The following DSCAML1 variants were observed in gnomAD, a reference collection of about 807,000 sequenced individuals.
DSCAML1 encodes the protein cell adhesion molecule DSCAML1.
In DSCAML1, 38 loss-of-function variants were observed where a neutral mutation model predicts 200.5. The observed-to-expected ratio is 0.19, with a 90% CI of 0.15 to 0.25. DSCAML1 has a LOEUF of 0.25. Ranked by LOEUF, DSCAML1 falls within the 10% of genes least tolerant of loss-of-function variation. The pLI is 1.00. For synonymous variants in DSCAML1, 1,215 were observed against 1,165.0 expected, an observed-to-expected ratio of 1.04 and a Z score of -0.87; for missense variants, 2,223 against 2,858.8, an observed-to-expected ratio of 0.78 and a Z score of 5.07.
intron 3 of DSCAML1, among the ~76,000 whole-genome samples, chr11:117,743,894 G>A (rs565365153): frequency 2.6e-5 from 4 of 152,136 alleles, no homozygotes; most frequent in South Asian, 2.1e-4. Flanking sequence ...AGGAAAACTC[G>A]TCTATAAACT....
chr11:117,606,109 C>T (rs761945751), intron 3 of DSCAML1, among the ~76,000 whole-genome samples: 8 of 152,064 alleles, frequency 5.3e-5, no homozygotes, highest in Non-Finnish European at 1.0e-4. Context: ...TGCAGTGGTC[C>T]CAGGAGACCC....
intron 3 of DSCAML1, among the ~76,000 whole-genome samples, chr11:117,619,411 T>TC (rs34508295): frequency 2.6e-5 from 4 of 152,318 alleles, no homozygotes; most frequent in African/African-American, 9.6e-5. Flanking sequence ...AGGGCCCACA[T>TC]CCCTGGAAAG....
chr11:117,753,702 T>G (rs557283448), intron 3 of DSCAML1, among the ~76,000 whole-genome samples: 59 of 152,318 alleles, frequency 3.9e-4, no homozygotes, highest in Middle Eastern at 3.4e-3. Flanking sequence ...AATTGGCAGC[T>G]GAGACCTGTG....
intron 3 of DSCAML1, among the ~76,000 whole-genome samples, chr11:117,582,992 A>ATAT (rs6144528): frequency 0.051 from 7,430 of 145,118 alleles, 301 homozygotes; most frequent in African/African-American, 0.1. Flanking sequence ...GGAGACAGGG[A>ATAT]TATTATTATT....
At chr11:117,623,402 G>A (rs1456464101) in intron 3 of DSCAML1, among the ~76,000 whole-genome samples, 1 of 151,988 alleles carries the variant, frequency 6.6e-6, no homozygotes, top group African/African-American at 2.4e-5. Flanking sequence ...TTTTAGTAGA[G>A]ACAGGGTTTT....
chr11:117,544,657 C>A (rs1292460744), intron 3 of DSCAML1, among the ~76,000 whole-genome samples: 1 of 152,138 alleles, frequency 6.6e-6, no homozygotes, highest in African/African-American at 2.4e-5. Flanking sequence ...CTCTGAACTC[C>A]TAGGATTGTA....
chr11:117,683,406 C>T (rs1411452099), intron 3 of DSCAML1, among the ~76,000 whole-genome samples: 1 of 152,232 alleles, frequency 6.6e-6, no homozygotes, highest in African/African-American at 2.4e-5. Context: ...AAGTGATCTG[C>T]TAGTCTCTCT....
chr11:117,522,944 G>A (rs1394057419), intron 5 of DSCAML1, among the ~76,000 whole-genome samples: 1 of 152,194 alleles, frequency 6.6e-6, no homozygotes, highest in South Asian at 2.1e-4. Context: ...GGGGTAGGGG[G>A]CTGGGGATCA....
rs975210979 is a variant in DSCAML1 at position 117,439,285 on chromosome 11, G to A, written c.4125C>T (p.Ile1375=). The change falls in exon 23 of 33, where the codon ATC becomes ATT. Residue 1375 remains isoleucine (I), a synonymous_variant. Transcript: ENST00000651296. The part of the protein sequence containing the change: ...ATNTGGFDTI[I]VNLLVQVPPD... ...CCTCACCTTGCACCAGAAGGTTGAC[G>A]ATGATGGTGTCAAAGCCACCAGTGT... 7 of 1,614,042 alleles carry A rather than the reference G, an allele frequency of 4.3e-6. No homozygotes were observed. The highest frequency in any genetic ancestry group is 1.7e-5 in the Admixed American group (1 of 60,010).
intron 19 of DSCAML1, among the ~76,000 whole-genome samples, chr11:117,455,704 G>A (rs926765814): frequency 6.6e-6 from 1 of 152,136 alleles, no homozygotes; most frequent in African/African-American, 2.4e-5. Flanking sequence ...TGGGATCACG[G>A]TGTCTTCAGA....
chr11:117,691,131 A>T (rs2053486602), intron 3 of DSCAML1, among the ~76,000 whole-genome samples: 1 of 152,204 alleles, frequency 6.6e-6, no homozygotes, highest in Non-Finnish European at 1.5e-5. Flanking sequence ...TTAGGGTGAT[A>T]ATGAGTGGGC....
At chr11:117,434,442 C>T (rs2047867499) in intron 27 of DSCAML1, among the ~76,000 whole-genome samples, 1 of 152,220 alleles carries the variant, frequency 6.6e-6, no homozygotes, top group African/African-American at 2.4e-5. Flanking sequence ...CCCAATCATT[C>T]CACAATTCCA....
chr11:117,435,750 C>T lies in DSCAML1; in HGVS notation c.4770G>A (p.Lys1590=). The T allele has an allele frequency of 6.2e-7, 1 of 1,613,524 alleles. No individual in the cohort carries two copies. The part of the protein sequence containing the change: ...KSAQGEGDDV[K]KLFTIGCPVI... ...CAGGGCAGCCGATGGTGAACAGCTT[C>T]TTCACATCATCCCCTTCACCTTGAG... Residue 1590 remains lysine, a synonymous_variant, in exon 27 of 33, where the codon AAG becomes AAA. Transcript: ENST00000651296.
At chr11:117,572,760 T>C (rs2137439920) in intron 3 of DSCAML1, among the ~76,000 whole-genome samples, 1 of 152,270 alleles carries the variant, frequency 6.6e-6, no homozygotes, top group Admixed American at 6.5e-5. Flanking sequence ...TAAGTGGTGG[T>C]TGATCAGGTT....
intron 3 of DSCAML1, among the ~76,000 whole-genome samples, chr11:117,753,012 G>A (rs1178837083): frequency 6.6e-6 from 1 of 152,172 alleles, no homozygotes; most frequent in Non-Finnish European, 1.5e-5. Context: ...GGGAGTGGTG[G>A]GGACACAGCA....
chr11:117,545,928 C>G (rs1240362825), intron 3 of DSCAML1, among the ~76,000 whole-genome samples: 1 of 152,248 alleles, frequency 6.6e-6, no homozygotes, highest in African/African-American at 2.4e-5. Context: ...TGGCCCATTG[C>G]TGTTTGCTTG....
At chr11:117,508,004 C>A (rs2049537219) in intron 8 of DSCAML1, among the ~76,000 whole-genome samples, 1 of 152,140 alleles carries the variant, frequency 6.6e-6, no homozygotes, top group African/African-American at 2.4e-5. Context: ...TCTTGTTGGG[C>A]CCCTGCTGAC....
At chr11:117,635,631 A>G (rs1389328128) in intron 3 of DSCAML1, among the ~76,000 whole-genome samples, 3 of 152,030 alleles carry the variant, frequency 2.0e-5, no homozygotes, top group Non-Finnish European at 4.4e-5. Context: ...AAGGGAGATC[A>G]GAGGGATCAA....
At chr11:117,792,390 C>A (rs1271373507) in intron 1 of DSCAML1, among the ~76,000 whole-genome samples, 1 of 152,098 alleles carries the variant, frequency 6.6e-6, no homozygotes, top group East Asian at 1.9e-4. Flanking sequence ...CTGGGAGGGG[C>A]CACTCAGCTC....
Sources: gnomAD v4.1 joint callset for allele counts (sites outside exome capture counted in the v4.1 genomes callset) on GRCh38, gnomAD v4.1.1 for gene constraint, MANE v1.5 for transcripts, NCBI Gene and HGNC (gene_info 2026-07-23, HGNC 2026-07-21) for gene names.